Variants in NTNG1 observed in about 807,000 individuals in gnomAD.
The protein encoded by NTNG1 is netrin-G1.
NTNG1 carries 16 observed loss-of-function variants against 54.0 expected under a neutral mutation model. The observed-to-expected ratio is 0.30, with a 90% confidence interval of 0.20 to 0.45. The LOEUF (loss-of-function observed/expected upper bound fraction) is 0.45, where lower values mean the gene tolerates loss of function less well. Among genes scored for constraint, NTNG1 ranks in the 20% least tolerant of loss-of-function variants. NTNG1 has a pLI of 1.00. For synonymous variants in NTNG1, 255 were observed against 263.1 expected (o/e 0.97, Z 0.30); for missense variants, 530 against 678.7 (o/e 0.78, Z 2.43).
At chr1:107,187,426 A>G (rs2101166463) in intron 2 of NTNG1, among the ~76,000 whole-genome samples, 1 of 152,240 alleles carries the variant, frequency 6.6e-6, no homozygotes, top group African/African-American at 2.4e-5. Context: ...CAAGTTGCAA[A>G]CAGTTTAACA....
chr1:107,320,085 A>G (rs1422474509), intron 2 of NTNG1, among the ~76,000 whole-genome samples: 1 of 152,154 alleles, frequency 6.6e-6, no homozygotes, highest in Non-Finnish European at 1.5e-5. Flanking sequence ...TTGCTAATTA[A>G]TAACTACAAT....
intron 3 of NTNG1, among the ~76,000 whole-genome samples, chr1:107,376,366 C>T (rs1361125018): frequency 1.3e-5 from 2 of 151,724 alleles, no homozygotes; most frequent in African/African-American, 4.8e-5. Context: ...CGAGGTCGCG[C>T]CACTGCACTC....
At position 107,482,164 on chromosome 1, in the gene NTNG1, AGATT is replaced by A. The variant is rs1678767706; in HGVS notation, c.*1328_*1331del. Reference sequence around the variant, plus strand: ...TATTTTTAAGTCATGCTATTTTCACAGATTGATGGTGATCATGTGACTCTAGGGA... The same window carrying A: ...TATTTTTAAGTCATGCTATTTTCACAGATGGTGATCATGTGACTCTAGGGA... On this transcript the variant is annotated 3_prime_UTR_variant, in exon 8 of 8. Coordinates refer to ENST00000370068, the MANE Select transcript of NTNG1 (RefSeq NM_001113226.3). The A allele has an allele frequency of 2.6e-5, 4 of 151,740 alleles. No homozygotes were observed. The South Asian group carries it at 8.3e-4, about 32-fold the overall frequency. The allele number at this position is 151,740 out of a possible 1,614,324, so 9.4% of individuals were successfully genotyped here.
intron 3 of NTNG1, among the ~76,000 whole-genome samples, chr1:107,334,276 T>C (rs1038566860): frequency 1.3e-5 from 2 of 152,040 alleles, no homozygotes; most frequent in African/African-American, 4.8e-5. Flanking sequence ...CCAGTAAAAC[T>C]GAACATTGTA....
intron 3 of NTNG1, among the ~76,000 whole-genome samples, chr1:107,364,288 G>T (rs533956946): frequency 7.9e-5 from 12 of 151,800 alleles, no homozygotes; most frequent in Non-Finnish European, 1.8e-4. Flanking sequence ...CATAATTCTC[G>T]TGGCTATCAT....
chr1:107,239,342 C>T lies in NTNG1; in HGVS notation c.247-84940C>T, dbSNP rs555794469. Among the ~76,000 whole-genome samples, 41 of 152,258 alleles carry T rather than the reference C, an allele frequency of 2.7e-4. No individual in the cohort carries two copies. In the Middle Eastern group the frequency reaches 0.01, roughly 38 times the overall value. The stretch of plus-strand genomic sequence containing the variant: ...TATATAGCAAGACCCAGATCAAAGA[C>T]AAACAGTAGATTGGAATGGAAATGA... On this transcript the variant is annotated intron_variant, in intron 2 of 7. Transcript: ENST00000370068.
chr1:107,303,884 A>G (rs1362317140), intron 2 of NTNG1, among the ~76,000 whole-genome samples: 2 of 152,040 alleles, frequency 1.3e-5, no homozygotes, highest in East Asian at 3.9e-4. Flanking sequence ...ACGGGGTTTC[A>G]CCATGTTGGT....
intron 2 of NTNG1, among the ~76,000 whole-genome samples, chr1:107,299,461 A>T (rs542775812): frequency 6.6e-6 from 1 of 152,306 alleles, no homozygotes; most frequent in South Asian, 2.1e-4. Flanking sequence ...TGAACTATAG[A>T]AATAACTATT....
chr1:107,207,182 T>G (rs6583012), intron 2 of NTNG1, among the ~76,000 whole-genome samples: 1 of 152,126 alleles, frequency 6.6e-6, no homozygotes, highest in Non-Finnish European at 1.5e-5. Flanking sequence ...CTTCCCAGTC[T>G]GACACAGCTT....
intron 2 of NTNG1, among the ~76,000 whole-genome samples, chr1:107,181,855 G>T (rs1657097630): frequency 6.6e-6 from 1 of 152,018 alleles, no homozygotes. Flanking sequence ...TTTACTATAT[G>T]CAGAACGCTC....
At chr1:107,339,853 T>C (rs1448553313) in intron 3 of NTNG1, among the ~76,000 whole-genome samples, 1 of 152,070 alleles carries the variant, frequency 6.6e-6, no homozygotes, top group East Asian at 1.9e-4. Flanking sequence ...AGGGTTCCAG[T>C]TGCTAGAGAT....
At position 107,480,588 on chromosome 1, in the gene NTNG1, CTACCT is replaced by C; in HGVS notation, c.1391-21_1391-17del. ...TTCTCCTCCCCGCGCCCACCCACCC[CTACCT>C]TCCCCCTCATTCTGCAGCGAATGTC... is the stretch of plus-strand genomic sequence containing the variant. On this transcript the variant is annotated intron_variant, in intron 7 of 7. Coordinates refer to ENST00000370068, the MANE Select transcript of NTNG1 (RefSeq NM_001113226.3). 2.7e-6 allele frequency: 3 copies of C among 1,119,758 alleles called. No homozygotes were observed. The highest frequency in any genetic ancestry group is 3.9e-6 in the Non-Finnish European group (3 of 764,866). The allele number at this position is 1,119,758 out of a possible 1,614,324, so 69.4% of individuals were successfully genotyped here.
At chr1:107,453,063 C>T (rs571409435) in intron 7 of NTNG1, among the ~76,000 whole-genome samples, 3 of 152,328 alleles carry the variant, frequency 2.0e-5, no homozygotes, top group African/African-American at 7.2e-5. Flanking sequence ...CTTCCATTCA[C>T]TGTGGCTTAC....
At chr1:107,453,144 A>G (rs923854991) in intron 7 of NTNG1, among the ~76,000 whole-genome samples, 1 of 152,186 alleles carries the variant, frequency 6.6e-6, no homozygotes, top group African/African-American at 2.4e-5. Flanking sequence ...CCTTTGTTTT[A>G]GTGAAAGAAA....
chr1:107,395,297 T>C lies in NTNG1; in HGVS notation c.1031T>C (p.Leu344Pro). ...CGACCTTGGAGTCCAGGCTCCTATC[T>C]CCCCATCCCCAAAGGCACTGCAAAT... Reference protein sequence around the residue: ...QGRPWSPGSYLPIPKGTANTC... With the variant: ...QGRPWSPGSYPPIPKGTANTC... Residue 344 changes from leucine to proline, a missense_variant, in exon 4 of 8, where the codon CTC becomes CCC. Physicochemically the swap from Leu to Pro is moderately conservative, Grantham distance 98. This residue lies in a region of NTNG1 where 318 missense variants were observed against 465.1 expected (regional missense o/e 0.68). Transcript: ENST00000370068. 1 of 1,613,540 alleles carries C rather than the reference T, an allele frequency of 6.2e-7. No homozygotes were observed. Among genetic ancestry groups the C allele is most frequent in the Non-Finnish European group, 8.5e-7 (1 of 1,179,614 alleles).
chr1:107,414,355 A>C (rs930377128), intron 5 of NTNG1, among the ~76,000 whole-genome samples: 1 of 152,152 alleles, frequency 6.6e-6, no homozygotes, highest in Non-Finnish European at 1.5e-5. Context: ...GTGGGTTCTT[A>C]AAAAAATTGG....
At chr1:107,344,286 T>G (rs140789135) in intron 3 of NTNG1, among the ~76,000 whole-genome samples, 120 of 152,314 alleles carry the variant, frequency 7.9e-4, no homozygotes, top group African/African-American at 2.2e-3. Context: ...TTACCAAAGT[T>G]TTTATGGAAA....
At chr1:107,145,079 G>A (rs893132801) in intron 1 of NTNG1, among the ~76,000 whole-genome samples, 1 of 152,020 alleles carries the variant, frequency 6.6e-6, no homozygotes, top group Admixed American at 6.6e-5. Flanking sequence ...CCCCAAATAT[G>A]TTATTCACTG....
chr1:107,221,931 C>A (rs1660373824), intron 2 of NTNG1, among the ~76,000 whole-genome samples: 1 of 152,080 alleles, frequency 6.6e-6, no homozygotes, highest in Admixed American at 6.5e-5. Context: ...TCATTTCCAA[C>A]CTTTCCTTCC....
Sources: allele counts gnomAD v4.1 joint callset (sites outside exome capture counted in the v4.1 genomes callset), GRCh38; gene constraint gnomAD v4.1.1; regional missense constraint gnomAD v4.1.1; transcripts MANE v1.5; gene names NCBI Gene and HGNC (gene_info 2026-07-23, HGNC 2026-07-21).